The following RHOBTB2 variants were observed in gnomAD, a reference collection of about 807,000 sequenced individuals.
The protein encoded by RHOBTB2 is Rho related BTB domain containing 2, also known as rho-related BTB domain-containing protein 2.
In RHOBTB2, 39 loss-of-function variants were observed where a neutral mutation model predicts 66.5. The ratio of observed to expected loss-of-function variants is 0.59; its 90% CI spans 0.45 to 0.77. The LOEUF (loss-of-function observed/expected upper bound fraction) is 0.77, where lower values mean the gene tolerates loss of function less well. Among genes scored for constraint, RHOBTB2 ranks in the 30% least tolerant of loss-of-function variants. The probability of loss-of-function intolerance (pLI) is 0.00; values close to 1 mark genes in which losing one functional copy is unlikely to be tolerated. For missense variants in RHOBTB2, 755 were observed against 999.1 expected, an observed-to-expected ratio of 0.76 and a Z score of 3.29; for synonymous variants, 390 against 395.0, an observed-to-expected ratio of 0.99 and a Z score of 0.15.
At chr8:22,971,676 T>A in the RHOBTB2 span, among the ~76,000 whole-genome samples, 1 of 152,186 alleles carries the variant, frequency 6.6e-6, no homozygotes, top group Non-Finnish European at 1.5e-5. Flanking sequence ...CTGACTACTC[T>A]CCCTTGAAAT....
chr8:22,965,737 A>G, the RHOBTB2 span, among the ~76,000 whole-genome samples: 80 of 152,340 alleles, frequency 5.3e-4, no homozygotes, highest in Middle Eastern at 3.4e-3. Flanking sequence ...ATTAAAAAGG[A>G]TGAAATTTTT....
chr8:23,003,371 C>T (rs368355223), intron 1 of RHOBTB2, among the ~76,000 whole-genome samples: 3 of 152,248 alleles, frequency 2.0e-5, no homozygotes, highest in Admixed American at 6.5e-5. Context: ...TGCTCAACAT[C>T]GAAGGCAACT....
At chr8:22,990,374 A>C (rs919047629) in intron 1 of RHOBTB2, among the ~76,000 whole-genome samples, 2 of 152,140 alleles carry the variant, frequency 1.3e-5, no homozygotes, top group African/African-American at 2.4e-5. Context: ...CCCACCTTGC[A>C]GGCCTGCAGC....
rs1392223185 is a variant in RHOBTB2, at chr8:22,999,950, TG to T, written c.-164del. 2 of 985,288 alleles carry T rather than the reference TG, an allele frequency of 2.0e-6. No homozygotes were observed. The highest frequency in any genetic ancestry group is 3.5e-5 in the African/African-American group (2 of 57,236). The allele number at this position is 985,288 out of a possible 1,614,324, so 61.0% of individuals were successfully genotyped here. ...CCGGAGTTTCTGAGTGGCCGCGAGCTGGCCGGGAGGCTGGAGCCCAGCAGCA... is the reference window on the plus strand; with the variant it reads ...CCGGAGTTTCTGAGTGGCCGCGAGCTGCCGGGAGGCTGGAGCCCAGCAGCA... On this transcript the variant is annotated 5_prime_UTR_variant, in exon 1 of 10. Transcript: ENST00000251822.
intron 2 of RHOBTB2, among the ~76,000 whole-genome samples, chr8:22,992,867 G>C (rs1419564257): frequency 6.6e-6 from 1 of 152,232 alleles, no homozygotes; most frequent in Non-Finnish European, 1.5e-5. Flanking sequence ...GCCAGGGTAG[G>C]GAGGACTGGG....
chr8:23,002,478 G>A (rs999667275), intron 1 of RHOBTB2, among the ~76,000 whole-genome samples: 1 of 152,172 alleles, frequency 6.6e-6, no homozygotes, highest in Non-Finnish European at 1.5e-5. Context: ...GATCACTTGA[G>A]GTCAGGAGTT....
chr8:22,981,964 G>C, the RHOBTB2 span, among the ~76,000 whole-genome samples: 11 of 152,204 alleles, frequency 7.2e-5, no homozygotes, highest in African/African-American at 2.7e-4. Flanking sequence ...CCCGATACCA[G>C]GCGCCCCTAC....
Position 23,014,674 on chromosome 8 carries a change from GC to G in RHOBTB2, c.1772-14del. On this transcript the variant is annotated splice_polypyrimidine_tract_variant and intron_variant, in intron 7 of 9. Coordinates refer to ENST00000251822, the MANE Select transcript of RHOBTB2 (RefSeq NM_015178.3). ...CATGTGCTTCTTCAGCTGATTGGTG[GC>G]CGTGTGTGTTACAGAGCAGTACACA... 1.9e-6 allele frequency: 3 copies of G among 1,611,370 alleles called. No individual in the cohort carries two copies. Among genetic ancestry groups the G allele is most frequent in the Non-Finnish European group, 2.5e-6 (3 of 1,177,658 alleles).
chr8:23,010,617 C>T lies in RHOBTB2; in HGVS notation c.1700C>T (p.Pro567Leu). 6.2e-7 allele frequency: 1 copy of T among 1,614,214 alleles called. No homozygotes were observed. The highest frequency in any genetic ancestry group is 1.3e-5 in the African/African-American group (1 of 75,054). Residue 567 changes from proline (P) to leucine (L), a missense_variant, in exon 7 of 10, where the codon CCC (proline) becomes CTC (leucine). Pro to Leu is a moderately conservative substitution (Grantham distance 98, BLOSUM62 -3). Transcript: ENST00000251822. ...YLYTGMFTSSPDLDDMKLIIL... is the reference protein window; with the variant it reads ...YLYTGMFTSSLDLDDMKLIIL... ...TACACCGGCATGTTCACCTCCAGCCCCGACCTGGATGACATGAAGCTCATC... is the reference window on the plus strand; with the variant it reads ...TACACCGGCATGTTCACCTCCAGCCTCGACCTGGATGACATGAAGCTCATC...
chr8:22,953,278 T>C, the RHOBTB2 span, among the ~76,000 whole-genome samples: 2 of 152,178 alleles, frequency 1.3e-5, no homozygotes, highest in Non-Finnish European at 1.5e-5. Flanking sequence ...ACTCCTAAGA[T>C]CTTATTGTTG....
chr8:22,983,884 G>A (rs866457392), upstream of RHOBTB2, among the ~76,000 whole-genome samples: 3 of 152,064 alleles, frequency 2.0e-5, no homozygotes, highest in South Asian at 2.1e-4. Context: ...ACAGGTGTGC[G>A]CCACCACGCC....
chr8:22,963,616 AAAAG>A, the RHOBTB2 span, among the ~76,000 whole-genome samples: 3 of 152,120 alleles, frequency 2.0e-5, no homozygotes, highest in African/African-American at 7.2e-5. Flanking sequence ...AGCAATTTAC[AAAAG>A]AAAGAGGTTT....
In RHOBTB2 at chr8:23,019,976, C is replaced by T. The variant is rs943992086; in HGVS notation, c.*2507C>T. ...CCTAGCTCTTTAAACTCTGGGGAGT[C>T]GGATTCAGGAAACACCCCCAGGAGG... is the stretch of plus-strand genomic sequence containing the variant. On this transcript the variant is annotated 3_prime_UTR_variant, in exon 10 of 10. Coordinates refer to ENST00000251822, the MANE Select transcript of RHOBTB2 (RefSeq NM_015178.3). 5.2e-5 allele frequency: 16 copies of T among 307,996 alleles called. No individual in the cohort carries two copies. The highest frequency in any genetic ancestry group is 9.5e-5 in the Non-Finnish European group (15 of 158,080). The allele number at this position is 307,996 out of a possible 1,614,324, so 19.1% of individuals were successfully genotyped here.
Position 23,017,699 on chromosome 8 carries a change from G to A in RHOBTB2, c.*230G>A. 2 of 613,268 alleles carry A rather than the reference G, an allele frequency of 3.3e-6. No individual in the cohort carries two copies. 38.0% of individuals were successfully genotyped at this position (613,268 alleles called of 1,614,324 possible). ...GGTCCCCAGACCCAAAGCAGGACGG[G>A]AGACAACTGCTTGGAGGAGCGAAGA... On this transcript the variant is annotated 3_prime_UTR_variant, in exon 10 of 10. Coordinates refer to ENST00000251822, the MANE Select transcript of RHOBTB2 (RefSeq NM_015178.3). The surrounding 1 kb of genome is among the most constrained non-coding windows in gnomAD (Gnocchi z 5.3).
At chr8:22,987,881 A>G (rs1002004721) in intron 1 of RHOBTB2, among the ~76,000 whole-genome samples, 1 of 152,136 alleles carries the variant, frequency 6.6e-6, no homozygotes, top group Admixed American at 6.5e-5. Context: ...GAGTGTCACC[A>G]GTCGCCATGT....
Position 23,004,085 on chromosome 8 carries a change from C to G in RHOBTB2, c.-10-340C>G, listed in dbSNP as rs1271317492. ...AGGAGGAGGAGAGCAGATGAGTGAG[C>G]TGCCCTCTCTGGAGAGGGGACAGGG... On this transcript the variant is annotated intron_variant, in intron 1 of 9. Transcript: ENST00000251822. The surrounding 1 kb of genome is among the most constrained non-coding windows in gnomAD (Gnocchi z 6.4). 2.7e-6 allele frequency: 1 copy of G among 363,776 alleles called. No homozygotes were observed. The highest frequency in any genetic ancestry group is 5.3e-6 in the Non-Finnish European group (1 of 188,982). 22.5% of individuals were successfully genotyped at this position (363,776 alleles called of 1,614,324 possible).
chr8:23,017,131 G>A lies in RHOBTB2; in HGVS notation c.1967-121G>A. The A allele has an allele frequency of 1.6e-6, 2 of 1,284,842 alleles. No homozygotes were observed. Among genetic ancestry groups the A allele is most frequent in the South Asian group, 1.3e-5 (1 of 75,180 alleles). 79.6% of individuals were successfully genotyped at this position (1,284,842 alleles called of 1,614,324 possible). A position where few individuals can be genotyped will look rare whatever the true frequency, so the allele number is the denominator to read the frequency against. On this transcript the variant is annotated intron_variant, in intron 9 of 9. Transcript: ENST00000251822. This position sits in a 1 kb window ranked among gnomAD's most constrained non-coding sequence, Gnocchi z 5.3. ...AGGCTCATGTGCCGTGGGTCATGGGGATGTGCTGGGGGCTGGGCTGGAGGC... is the reference window on the plus strand; with the variant it reads ...AGGCTCATGTGCCGTGGGTCATGGGAATGTGCTGGGGGCTGGGCTGGAGGC...
chr8:22,989,512 G>A (rs1245373185), intron 1 of RHOBTB2, among the ~76,000 whole-genome samples: 1 of 152,140 alleles, frequency 6.6e-6, no homozygotes, highest in East Asian at 1.9e-4. Flanking sequence ...GGATGTGGCA[G>A]GGCTCCAGGT....
At chr8:22,990,353 AC>A (rs1226058088) in intron 1 of RHOBTB2, among the ~76,000 whole-genome samples, 1 of 151,564 alleles carries the variant, frequency 6.6e-6, no homozygotes, top group Non-Finnish European at 1.5e-5. Context: ...CGCCCTCCAC[AC>A]CCCCAGCACC....
Sources: gnomAD v4.1 joint callset for allele counts (sites outside exome capture counted in the v4.1 genomes callset) on GRCh38, gnomAD v4.1.1 for gene constraint, Gnocchi (gnomAD v3.1) non-coding constraint, MANE v1.5 for transcripts, NCBI Gene and HGNC (gene_info 2026-07-23, HGNC 2026-07-21) for gene names.